Variants in PCDHGB2 observed in about 807,000 individuals in gnomAD.
PCDHGB2 encodes the protein protocadherin gamma-B2.
PCDHGB2 carries 55 observed loss-of-function variants against 59.3 expected under a neutral mutation model. The ratio of observed to expected loss-of-function variants is 0.93; its 90% CI spans 0.75 to 1.16. The LOEUF (loss-of-function observed/expected upper bound fraction) is 1.16. PCDHGB2 is among the 50% of genes most tolerant of loss of function. PCDHGB2 has a pLI of 0.00. For synonymous variants in PCDHGB2, 516 were observed against 512.0 expected (o/e 1.01, Z -0.11); for missense variants, 1,228 against 1,198.5 (o/e 1.02, Z -0.36).
chr5:141,421,220 A>G (rs1178268746), intron 1 of PCDHGB2: 2 of 1,575,620 alleles, frequency 1.3e-6, no homozygotes, highest in Non-Finnish European at 1.7e-6. Flanking sequence ...ATCGGCTTAG[A>G]GCCTGCCATG....
chr5:141,414,868 G>C, intron 1 of PCDHGB2: 1 of 1,614,216 alleles, frequency 6.2e-7, no homozygotes, highest in Non-Finnish European at 8.5e-7. Flanking sequence ...CAATGCGCCC[G>C]AGATCCTGTA....
At chr5:141,423,193 T>A in intron 1 of PCDHGB2, 2 of 1,613,564 alleles carry the variant, frequency 1.2e-6, no homozygotes, top group Non-Finnish European at 1.7e-6. Context: ...GCCCCCTCTC[T>A]CGGCCACCGT....
chr5:141,422,828 T>C (rs1273420440), intron 1 of PCDHGB2: 2 of 1,614,232 alleles, frequency 1.2e-6, no homozygotes, highest in East Asian at 4.5e-5. Context: ...CTGAGAGTGA[T>C]AGCACGTGAC....
chr5:141,387,947 G>C (rs1240846942), intron 1 of PCDHGB2: 25 of 1,484,496 alleles, frequency 1.7e-5, no homozygotes, highest in Non-Finnish European at 2.2e-5. Context: ...TTCTCTTCCT[G>C]CTGTCTTTGT....
At chr5:141,440,631 A>C (rs1036203175) in intron 1 of PCDHGB2, 2 of 152,224 alleles carry the variant, frequency 1.3e-5, no homozygotes, top group African/African-American at 4.8e-5. Flanking sequence ...ATGTTGAGAG[A>C]AATTCCTTAC....
chr5:141,385,404 G>C, intron 1 of PCDHGB2: 1 of 1,482,648 alleles, frequency 6.7e-7, no homozygotes, highest in Non-Finnish European at 8.9e-7. Context: ...CAAATGTTTT[G>C]AAAATAGGGA....
chr5:141,423,569 TC>T (rs2096755253), intron 1 of PCDHGB2: 1 of 1,613,362 alleles, frequency 6.2e-7, no homozygotes, highest in Non-Finnish European at 8.5e-7. Context: ...GACACGCTCA[TC>T]AGCCAGGAGA....
At chr5:141,380,843 G>T (rs1262602096) in intron 1 of PCDHGB2, among the ~76,000 whole-genome samples, 2 of 152,142 alleles carry the variant, frequency 1.3e-5, no homozygotes, top group African/African-American at 4.8e-5. Flanking sequence ...AGGTAAAAAT[G>T]GATCAAGACA....
chr5:141,382,072 G>A (rs901840757), intron 1 of PCDHGB2, among the ~76,000 whole-genome samples: 2 of 151,786 alleles, frequency 1.3e-5, no homozygotes, highest in African/African-American at 4.8e-5. Context: ...CAGGTGATCC[G>A]CCCGCCTCGG....
At position 141,360,268 on chromosome 5, in the gene PCDHGB2, T is replaced by C; in HGVS notation, c.133T>C (p.Ser45Pro). 1 of 1,613,792 alleles carries C rather than the reference T, an allele frequency of 6.2e-7. No homozygotes were observed. The highest frequency in any genetic ancestry group is 8.5e-7 in the Non-Finnish European group (1 of 1,179,850). Reference sequence around the variant, plus strand: ...AATTCCAGAGGAGCTGGCCAAAAACTCGGTCGTAGGAAACCTCGCCAAGGA... The same window carrying C: ...AATTCCAGAGGAGCTGGCCAAAAACCCGGTCGTAGGAAACCTCGCCAAGGA... ...YSIPEELAKN[S>P]VVGNLAKDLG... Residue 45 changes from serine (S) to proline (P), a missense_variant, in exon 1 of 4, where the codon TCG becomes CCG. Physicochemically the swap from Ser to Pro is moderately conservative, Grantham distance 74 (BLOSUM62 -1). Transcript: ENST00000522605.
intron 1 of PCDHGB2, among the ~76,000 whole-genome samples, chr5:141,464,203 T>G (rs2099077714): frequency 6.6e-6 from 1 of 150,780 alleles, no homozygotes; most frequent in South Asian, 2.1e-4. Flanking sequence ...AGGCGGAGAT[T>G]GCAGTGAGCT....
At chr5:141,435,391 A>C (rs1328617100) in intron 1 of PCDHGB2, among the ~76,000 whole-genome samples, 5 of 152,202 alleles carry the variant, frequency 3.3e-5, no homozygotes, top group African/African-American at 1.2e-4. Flanking sequence ...CCGTATTGCC[A>C]TGACGAAAAA....
intron 1 of PCDHGB2, among the ~76,000 whole-genome samples, chr5:141,481,400 T>C (rs2154578591): frequency 6.6e-6 from 1 of 152,358 alleles, no homozygotes; most frequent in East Asian, 1.9e-4. Context: ...GTGACAAAAT[T>C]CTTGTATAAT....
At chr5:141,445,938 G>A (rs2098482293) in intron 1 of PCDHGB2, among the ~76,000 whole-genome samples, 1 of 152,196 alleles carries the variant, frequency 6.6e-6, no homozygotes, top group Non-Finnish European at 1.5e-5. Flanking sequence ...GAATTATTAA[G>A]CTTACTCTGG....
intron 1 of PCDHGB2, chr5:141,364,487 G>T: frequency 6.2e-7 from 1 of 1,614,032 alleles, no homozygotes; most frequent in Non-Finnish European, 8.5e-7. Flanking sequence ...CAAGGACCTT[G>T]GGCTGGAGCC....
chr5:141,368,410 C>T (rs1471418854), intron 1 of PCDHGB2, among the ~76,000 whole-genome samples: 1 of 152,086 alleles, frequency 6.6e-6, no homozygotes, highest in African/African-American at 2.4e-5. Context: ...CATACATACA[C>T]ACATGGACAT....
At chr5:141,404,661 A>G (rs930319561) in intron 1 of PCDHGB2, 1 of 1,614,098 alleles carries the variant, frequency 6.2e-7, no homozygotes. Context: ...CTCCCCACTG[A>G]TGGTTCTACT....
intron 1 of PCDHGB2, among the ~76,000 whole-genome samples, chr5:141,483,517 CCTGA>C (rs72004558): frequency 0.16 from 24,470 of 151,950 alleles, 2,064 homozygotes; most frequent in African/African-American, 0.21. Context: ...CCCCCTAGAT[CCTGA>C]CTAAGGAAGC....
intron 1 of PCDHGB2, among the ~76,000 whole-genome samples, chr5:141,481,869 G>A (rs909237712): frequency 4.1e-5 from 6 of 146,780 alleles, no homozygotes; most frequent in East Asian, 2.0e-4. Flanking sequence ...AGCCGAGATC[G>A]CGCCACTGCA....
Sources: allele counts gnomAD v4.1 joint callset (sites outside exome capture counted in the v4.1 genomes callset), GRCh38; gene constraint gnomAD v4.1.1; transcripts MANE v1.5; gene names NCBI Gene and HGNC (gene_info 2026-07-23, HGNC 2026-07-21).